Variants in USP8 observed in about 807,000 individuals in gnomAD.
USP8 encodes ubiquitin carboxyl-terminal hydrolase 8.
A neutral mutation model predicts 130.0 loss-of-function variants in USP8; 27 were observed. The observed-to-expected ratio is 0.21, with a 90% confidence interval of 0.15 to 0.29. The LOEUF (loss-of-function observed/expected upper bound fraction) is 0.29, where lower values mean the gene tolerates loss of function less well. Among genes scored for constraint, USP8 ranks in the 10% least tolerant of loss-of-function variants. USP8 has a pLI of 1.00. For missense variants in USP8, 1,029 were observed against 1,312.2 expected (o/e 0.78, Z 3.33); for synonymous variants, 392 against 444.1 (o/e 0.88, Z 1.48).
chr15:50,476,137 A>G (rs1022066223), intron 8 of USP8, among the ~76,000 whole-genome samples: 22 of 152,316 alleles, frequency 1.4e-4, no homozygotes, highest in African/African-American at 4.3e-4. Flanking sequence ...GGGTCTGTGT[A>G]TAAAGTAGAA....
chr15:50,424,656 T>C, intron 1 of USP8, 142 bp downstream of exon 1: 1 of 395,882 alleles, frequency 2.5e-6, no homozygotes, highest in Non-Finnish European at 4.4e-6. Flanking sequence ...CTCCTAAAGG[T>C]AGAATCAGCT....
At chr15:50,428,832 GT>G (rs1253592721) in intron 1 of USP8, among the ~76,000 whole-genome samples, 1 of 152,146 alleles carries the variant, frequency 6.6e-6, no homozygotes, top group Non-Finnish European at 1.5e-5. Context: ...AAAGGAAGCA[GT>G]TTACAACTTC....
At chr15:50,443,089 A>T (rs2050312829) in intron 3 of USP8, among the ~76,000 whole-genome samples, 1 of 152,172 alleles carries the variant, frequency 6.6e-6, no homozygotes, top group South Asian at 2.1e-4. Flanking sequence ...CCCAGGCTGG[A>T]GTGCGGTGGC....
Position 50,465,206 on chromosome 15 carries a change from A to AG in USP8, c.686+16dup. The AG allele has an allele frequency of 6.2e-7, 1 of 1,610,358 alleles. No individual in the cohort carries two copies. The highest frequency in any genetic ancestry group is 2.2e-5 in the East Asian group (1 of 44,844). ...ATCAGTCCAGGGTGGGTTATTGTGT[A>AG]GTAAAGTAGTAAACTGTGTAGTAAG... On this transcript the variant is annotated intron_variant, in intron 7 of 19. Transcript: ENST00000307179.
Position 50,506,615 on chromosome 15 carries a change from G to C in USP8, c.*7527G>C, listed in dbSNP as rs2141345376. The C allele has an allele frequency of 6.6e-6, 1 of 152,228 alleles. No individual in the cohort carries two copies. Among genetic ancestry groups the C allele is most frequent in the Middle Eastern group, 3.4e-3 (1 of 294 alleles). 9.4% of individuals were successfully genotyped at this position (152,228 alleles called of 1,614,324 possible). On this transcript the variant is annotated 3_prime_UTR_variant, in exon 20 of 20. Coordinates refer to ENST00000307179, the MANE Select transcript of USP8 (RefSeq NM_005154.5). ...ACAAGTAAATCCGAATTTATTACTA[G>C]TTGAAATATATGGGATGTAGTAAAT...
chr15:50,446,338 A>C (rs189380013), intron 3 of USP8, among the ~76,000 whole-genome samples: 19 of 152,324 alleles, frequency 1.2e-4, no homozygotes, highest in African/African-American at 4.6e-4. Context: ...TATTAGGGGA[A>C]TGTCTGATAG....
chr15:50,430,236 C>T (rs912887658), intron 1 of USP8, among the ~76,000 whole-genome samples: 2 of 152,012 alleles, frequency 1.3e-5, no homozygotes, highest in Non-Finnish European at 2.9e-5. Flanking sequence ...TAGTTCAGCT[C>T]CTTGGGAGGC....
Position 50,498,651 on chromosome 15 carries a change from T to G in USP8, c.3094T>G (p.Leu1032Val). The G allele has an allele frequency of 6.2e-7, 1 of 1,613,160 alleles. No homozygotes were observed. ...QKLQTSVDFP[L>V]ENLDLSQYVI... The stretch of plus-strand genomic sequence containing the variant: ...ATTACAGACATCTGTGGACTTCCCG[T>G]TAGAAAATCTTGACTTGTCACAGTA... Residue 1032 changes from leucine to valine, a missense_variant, in exon 19 of 20, where the codon TTA becomes GTA. Leu to Val is a conservative substitution (Grantham distance 32). Transcript: ENST00000307179.
Position 50,465,147 on chromosome 15 carries a change from T to C in USP8, c.642T>C (p.Cys214=). Residue 214 remains cysteine (C), a synonymous_variant, in exon 7 of 20, where the codon TGT becomes TGC. Transcript: ENST00000307179. ...GAATGCAGGATTATCAGGATTCCTGTATTTTACATTCTCTCAGTGTTCCTG... is the reference window on the plus strand; with the variant it reads ...GAATGCAGGATTATCAGGATTCCTGCATTTTACATTCTCTCAGTGTTCCTG... The part of the protein sequence containing the change: ...ARRMQDYQDS[C]ILHSLSVPEE... 6.2e-7 allele frequency: 1 copy of C among 1,613,966 alleles called. No individual in the cohort carries two copies. Among genetic ancestry groups the C allele is most frequent in the East Asian group, 2.2e-5 (1 of 44,868 alleles).
chr15:50,462,126 A>G (rs536922143), intron 5 of USP8, among the ~76,000 whole-genome samples, 154 bp from the exon 6 acceptor site: 10 of 152,166 alleles, frequency 6.6e-5, no homozygotes, highest in Non-Finnish European at 1.2e-4. Flanking sequence ...GAAACCTTTT[A>G]ATATCATTAT....
chr15:50,432,363 T>C (rs928980754), intron 1 of USP8: 2 of 152,172 alleles, frequency 1.3e-5, no homozygotes, highest in African/African-American at 4.8e-5. Flanking sequence ...AACATAAATA[T>C]CTGTTCTTGA....
In USP8 at chr15:50,500,820, C is replaced by T; in HGVS notation, c.*1732C>T. 1 of 1,583,840 alleles carries T rather than the reference C, an allele frequency of 6.3e-7. No individual in the cohort carries two copies. Among genetic ancestry groups the T allele is most frequent in the Non-Finnish European group, 8.6e-7 (1 of 1,164,296 alleles). On this transcript the variant is annotated 3_prime_UTR_variant, in exon 20 of 20. Transcript: ENST00000307179. ...AGAAAGCAGTGTAGTGGCCACCATC[C>T]AAATCACCAAAATGGTTCTATGGGA... is the stretch of plus-strand genomic sequence containing the variant.
chr15:50,443,011 C>T (rs1369384587), intron 3 of USP8, among the ~76,000 whole-genome samples: 5 of 152,022 alleles, frequency 3.3e-5, no homozygotes, highest in Admixed American at 6.6e-5. Flanking sequence ...AACAAAATTT[C>T]GTTTGTTCTT....
Position 50,505,636 on chromosome 15 carries a change from G to A in USP8, c.*6548G>A, listed in dbSNP as rs536480108. The A allele has an allele frequency of 6.6e-6, 1 of 152,286 alleles. No homozygotes were observed. The highest frequency in any genetic ancestry group is 2.1e-4 in the South Asian group (1 of 4,824). 9.4% of individuals were successfully genotyped at this position (152,286 alleles called of 1,614,324 possible). A position where few individuals can be genotyped will look rare whatever the true frequency, so the allele number is the denominator to read the frequency against. On this transcript the variant is annotated 3_prime_UTR_variant, in exon 20 of 20. Transcript: ENST00000307179. ...CCCAATATGAACAGTAGAAAACCAT[G>A]ATAATGTCTCCTTTGGAGGCATATT...
chr15:50,434,058 C>G (rs979390735), intron 1 of USP8, among the ~76,000 whole-genome samples: 5 of 151,756 alleles, frequency 3.3e-5, no homozygotes, highest in African/African-American at 1.2e-4. Context: ...CTTGCATATA[C>G]TTAGTTATTT....
At chr15:50,473,192 T>C (rs2051438683) in intron 8 of USP8, among the ~76,000 whole-genome samples, 2 of 152,072 alleles carry the variant, frequency 1.3e-5, no homozygotes, top group Admixed American at 1.3e-4. Flanking sequence ...TAAAAAATAA[T>C]ACGGTTGTCC....
intron 5 of USP8, 119 bp from the exon 6 acceptor site, chr15:50,462,161 G>A (rs2051029680): frequency 2.7e-6 from 2 of 742,170 alleles, no homozygotes; most frequent in Non-Finnish European, 4.3e-6. Flanking sequence ...TTTATAAAAG[G>A]CCAGTACTCT....
chr15:50,463,358 C>G (rs1044316584), intron 6 of USP8: 3 of 152,204 alleles, frequency 2.0e-5, no homozygotes, highest in African/African-American at 7.2e-5. Context: ...AGACGTTTTC[C>G]TCTCTCAGAA....
At chr15:50,430,734 A>T (rs2049903217) in intron 1 of USP8, among the ~76,000 whole-genome samples, 1 of 152,214 alleles carries the variant, frequency 6.6e-6, no homozygotes, top group African/African-American at 2.4e-5. Context: ...AACAGATTTA[A>T]TATCTGTCTG....
Sources: gnomAD v4.1 joint callset for allele counts (sites outside exome capture counted in the v4.1 genomes callset) on GRCh38, gnomAD v4.1.1 for gene constraint, MANE v1.5 for transcripts, NCBI Gene and HGNC (gene_info 2026-07-23, HGNC 2026-07-21) for gene names.